EXOC4: variants seen among roughly 807,000 people sequenced by gnomAD.
EXOC4 encodes exocyst complex component 4, also known as SEC8-like 1.
Under a neutral mutation model 107.2 loss-of-function variants are expected in EXOC4, and 71 were observed. The observed-to-expected ratio is 0.66, with a 90% CI of 0.55 to 0.81. The LOEUF (loss-of-function observed/expected upper bound fraction) is 0.81. Among genes scored for constraint, EXOC4 ranks in the 30% least tolerant of loss-of-function variants. EXOC4 has a pLI of 0.00. For synonymous variants in EXOC4, 456 were observed against 441.2 expected (o/e 1.03, Z -0.42); for missense variants, 1,108 against 1,189.6 (o/e 0.93, Z 1.01).
intron 11 of EXOC4, among the ~76,000 whole-genome samples, chr7:133,859,767 T>G (rs1798494228): frequency 6.6e-6 from 1 of 152,176 alleles, no homozygotes; most frequent in Non-Finnish European, 1.5e-5. Context: ...TTTTAAGAGT[T>G]AGAAAAAAAC....
At chr7:133,371,825 G>A (rs1017582267) in intron 6 of EXOC4, among the ~76,000 whole-genome samples, 5 of 152,144 alleles carry the variant, frequency 3.3e-5, no homozygotes, top group Admixed American at 6.5e-5. Context: ...TTTCCAAAGC[G>A]GCTGCACCAT....
At chr7:133,506,555 T>C (rs959320118) in intron 9 of EXOC4, among the ~76,000 whole-genome samples, 4 of 152,132 alleles carry the variant, frequency 2.6e-5, no homozygotes, top group Non-Finnish European at 5.9e-5. Flanking sequence ...GTACAGACTT[T>C]TATGAACATC....
chr7:133,621,222 C>G (rs1377551727), intron 9 of EXOC4, among the ~76,000 whole-genome samples: 1 of 152,150 alleles, frequency 6.6e-6, no homozygotes, highest in African/African-American at 2.4e-5. Flanking sequence ...CCTTCCACTC[C>G]TCTTTTAATT....
intron 5 of EXOC4, among the ~76,000 whole-genome samples, chr7:133,346,210 C>T (rs1795780487): frequency 6.6e-6 from 1 of 152,122 alleles, no homozygotes; most frequent in African/African-American, 2.4e-5. Context: ...TAGGTAGGCC[C>T]TTGATTTGGT....
chr7:133,431,354 G>GC (rs1267717248), intron 7 of EXOC4, among the ~76,000 whole-genome samples: 1 of 152,144 alleles, frequency 6.6e-6, no homozygotes, highest in Non-Finnish European at 1.5e-5. Context: ...TTAAATAACT[G>GC]CATTTTACCC....
At chr7:133,362,241 C>G (rs549458497) in intron 6 of EXOC4, among the ~76,000 whole-genome samples, 3 of 152,242 alleles carry the variant, frequency 2.0e-5, no homozygotes, top group Non-Finnish European at 4.4e-5. Context: ...TATATAGTCT[C>G]ATTCTTAATA....
chr7:133,486,496 A>C (rs542350854), intron 9 of EXOC4, among the ~76,000 whole-genome samples: 108 of 152,296 alleles, frequency 7.1e-4, no homozygotes, highest in African/African-American at 2.4e-3. Context: ...TTTGTTCTGC[A>C]GCCTTAAATA....
chr7:133,734,182 G>A (rs1795389876), intron 10 of EXOC4, among the ~76,000 whole-genome samples: 1 of 152,200 alleles, frequency 6.6e-6, no homozygotes, highest in South Asian at 2.1e-4. Context: ...GAGCTTCATT[G>A]TATCCTTGGG....
At chr7:133,401,520 G>A (rs1443167362) in intron 7 of EXOC4, among the ~76,000 whole-genome samples, 1 of 151,838 alleles carries the variant, frequency 6.6e-6, no homozygotes, top group African/African-American at 2.4e-5. Context: ...ACATTAGCTG[G>A]GTGTGGTTGC....
intron 7 of EXOC4, among the ~76,000 whole-genome samples, chr7:133,457,542 G>A (rs1347097467): frequency 6.6e-6 from 1 of 152,096 alleles, no homozygotes; most frequent in Admixed American, 6.6e-5. Flanking sequence ...CAATTAGGTT[G>A]CGTATCAAAA....
intron 11 of EXOC4, among the ~76,000 whole-genome samples, chr7:133,847,875 ATTT>A (rs55923568): frequency 3.1e-4 from 26 of 85,028 alleles, no homozygotes; most frequent in African/African-American, 1.3e-3. Flanking sequence ...TGCCCAGCTA[ATTT>A]TTTTTTTTTT....
At chr7:133,411,404 T>A (rs1449710832) in intron 7 of EXOC4, among the ~76,000 whole-genome samples, 1 of 152,130 alleles carries the variant, frequency 6.6e-6, no homozygotes, top group Non-Finnish European at 1.5e-5. Flanking sequence ...TTTACTATAG[T>A]GTAGTCTTTA....
At chr7:133,998,852 G>C (rs1563085798) in intron 15 of EXOC4, among the ~76,000 whole-genome samples, 1 of 152,236 alleles carries the variant, frequency 6.6e-6, no homozygotes, top group Non-Finnish European at 1.5e-5. Flanking sequence ...CAAGGTGATA[G>C]AGGTAGAGAT....
At chr7:133,883,955 G>A (rs934738999) in intron 11 of EXOC4, among the ~76,000 whole-genome samples, 5 of 152,118 alleles carry the variant, frequency 3.3e-5, no homozygotes, top group African/African-American at 9.7e-5. Flanking sequence ...CATTACTGTC[G>A]TTTTCATAGT....
At chr7:134,005,205 C>A in intron 16 of EXOC4, 115 bp downstream of exon 16, 1 of 1,063,528 alleles carries the variant, frequency 9.4e-7, no homozygotes, top group Non-Finnish European at 1.4e-6. Context: ...TGCTTGCTTG[C>A]TTGTTTGAAC....
chr7:133,302,367 G>A (rs1010628932), intron 3 of EXOC4, among the ~76,000 whole-genome samples: 1 of 152,120 alleles, frequency 6.6e-6, no homozygotes, highest in Non-Finnish European at 1.5e-5. Flanking sequence ...TCTGTTAGAT[G>A]GTAATAGGTG....
At chr7:133,944,114 G>T (rs890707604) in intron 14 of EXOC4, among the ~76,000 whole-genome samples, 1 of 152,054 alleles carries the variant, frequency 6.6e-6, no homozygotes, top group African/African-American at 2.4e-5. Context: ...TACAAGTAAT[G>T]AATCAATATT....
At chr7:133,629,530 T>TTTTATTTG (rs1554481341) in intron 9 of EXOC4, among the ~76,000 whole-genome samples, 1 of 149,740 alleles carries the variant, frequency 6.7e-6, no homozygotes, top group Non-Finnish European at 1.5e-5. Flanking sequence ...TTTTGTTTTG[T>TTTTATTTG]TTTGTTTGTT....
At chr7:133,737,909 C>T (rs199946591) in intron 10 of EXOC4, among the ~76,000 whole-genome samples, 153 of 89,110 alleles carry the variant, frequency 1.7e-3, no homozygotes, top group South Asian at 2.7e-3. Context: ...ATTTTTCTTT[C>T]TTTTTTTTTT....
Sources: allele counts gnomAD v4.1 joint callset (sites outside exome capture counted in the v4.1 genomes callset), GRCh38; gene constraint gnomAD v4.1.1; transcripts MANE v1.5; gene names NCBI Gene and HGNC (gene_info 2026-07-23, HGNC 2026-07-21).